Variants in PRKAR1B observed in about 807,000 individuals in gnomAD.
The protein encoded by PRKAR1B is cAMP-dependent protein kinase type I-beta regulatory subunit.
In PRKAR1B, 22 loss-of-function variants were observed where a neutral mutation model predicts 46.5. That is an observed-to-expected ratio of 0.47 (90% CI 0.34 to 0.68). The LOEUF is 0.68. Among genes scored for constraint, PRKAR1B ranks in the 30% least tolerant of loss-of-function variants. The pLI, the probability that PRKAR1B is intolerant of heterozygous loss-of-function variation, is 0.01. For synonymous variants in PRKAR1B, 259 were observed against 217.7 expected, an observed-to-expected ratio of 1.19 and a Z score of -1.67; for missense variants, 445 against 535.6, an observed-to-expected ratio of 0.83 and a Z score of 1.67.
At chr7:672,481 A>G (rs1786314847) in intron 4 of PRKAR1B, among the ~76,000 whole-genome samples, 1 of 152,102 alleles carries the variant, frequency 6.6e-6, no homozygotes, top group Non-Finnish European at 1.5e-5. Flanking sequence ...TTCAGGTGCA[A>G]AGCTGTGCTC....
chr7:677,895 C>A (rs142807263), intron 3 of PRKAR1B, among the ~76,000 whole-genome samples: 3 of 152,204 alleles, frequency 2.0e-5, no homozygotes, highest in African/African-American at 7.2e-5. Flanking sequence ...TAGAGCCTAT[C>A]GCTCTAGGCT....
rs561128224 is a variant in PRKAR1B, at chr7:658,589, C to T, written c.440+18640G>A. Among the ~76,000 whole-genome samples, 17 of 152,226 alleles carry T rather than the reference C, an allele frequency of 1.1e-4. No homozygotes were observed. The South Asian group carries it at 1.2e-3, about 11-fold the overall frequency. On this transcript the variant is annotated intron_variant, in intron 4 of 10. Transcript: ENST00000537384. Reference sequence around the variant, plus strand: ...CATGACCTTGTGCTATGGAAGCCGGCGGCTCACGAAAGCCACTCTTCTTTC... The same window carrying T: ...CATGACCTTGTGCTATGGAAGCCGGTGGCTCACGAAAGCCACTCTTCTTTC...
At position 725,078 on chromosome 7, in the gene PRKAR1B, G is replaced by T. The variant is rs74463966; in HGVS notation, c.-23+2132C>A. Among the ~76,000 whole-genome samples the T allele has an allele frequency of 1.3e-3, 194 of 152,232 alleles. 3 individuals carry two copies. In the East Asian group the frequency reaches 0.032, roughly 25 times the overall value. On this transcript the variant is annotated intron_variant, in intron 1 of 10. Transcript: ENST00000537384. ...AAATACAAAAAATTAGCTGGGCGTG[G>T]TCGTGGGCACCTGCAGTCCCAGCTA...
At chr7:726,757 C>T (rs1341976881) in intron 1 of PRKAR1B, 2 of 1,255,476 alleles carry the variant, frequency 1.6e-6, no homozygotes, top group African/African-American at 3.1e-5. Flanking sequence ...CGTGGCGGCC[C>T]CACACCCGGC....
At chr7:635,623 C>T (rs867590498) in intron 4 of PRKAR1B, among the ~76,000 whole-genome samples, 5 of 152,266 alleles carry the variant, frequency 3.3e-5, no homozygotes, top group Middle Eastern at 3.4e-3. Context: ...GCCTCCCAGG[C>T]CCTCCCAGAC....
At chr7:571,261 C>G (rs2128436272) in intron 9 of PRKAR1B, among the ~76,000 whole-genome samples, 1 of 152,340 alleles carries the variant, frequency 6.6e-6, no homozygotes, top group African/African-American at 2.4e-5. Flanking sequence ...GAGACCCCAG[C>G]CAGGAGCCTC....
At chr7:575,134 C>A (rs547837618) in intron 9 of PRKAR1B, among the ~76,000 whole-genome samples, 1 of 152,208 alleles carries the variant, frequency 6.6e-6, no homozygotes, top group African/African-American at 2.4e-5. Flanking sequence ...CTCAGCCGGG[C>A]GGTTCTCACT....
chr7:574,111 A>G (rs1779690281), intron 9 of PRKAR1B, among the ~76,000 whole-genome samples: 1 of 152,190 alleles, frequency 6.6e-6, no homozygotes, highest in Non-Finnish European at 1.5e-5. Context: ...CGCCCCCCAC[A>G]CACATTTTCA....
chr7:558,603 A>G (rs979136097), intron 9 of PRKAR1B, among the ~76,000 whole-genome samples: 1 of 151,916 alleles, frequency 6.6e-6, no homozygotes. Context: ...TAAAAATACA[A>G]AAATTAGCCA....
chr7:624,799 G>A (rs1163050214), intron 4 of PRKAR1B, among the ~76,000 whole-genome samples: 1 of 152,174 alleles, frequency 6.6e-6, no homozygotes, highest in Admixed American at 6.5e-5. Flanking sequence ...GCTAGTTATT[G>A]ACAGATCCAG....
At chr7:648,003 G>A (rs930686040) in intron 4 of PRKAR1B, among the ~76,000 whole-genome samples, 10 of 151,530 alleles carry the variant, frequency 6.6e-5, no homozygotes, top group South Asian at 2.1e-4. Context: ...AAAATTAGCC[G>A]GGTGTGGTGG....
intron 4 of PRKAR1B, among the ~76,000 whole-genome samples, chr7:672,021 T>C (rs943758960): frequency 2.0e-5 from 3 of 152,008 alleles, no homozygotes; most frequent in Admixed American, 6.6e-5. Context: ...TGCTGCCTGC[T>C]CCCCGGAAGA....
intron 2 of PRKAR1B, among the ~76,000 whole-genome samples, chr7:684,671 G>C (rs1025934467): frequency 5.3e-5 from 8 of 152,190 alleles, no homozygotes; most frequent in Non-Finnish European, 1.0e-4. Flanking sequence ...GAGCTCGGAA[G>C]CCTGGGAGCC....
intron 1 of PRKAR1B, among the ~76,000 whole-genome samples, chr7:722,179 C>T (rs370874962): frequency 7.2e-6 from 1 of 139,428 alleles, no homozygotes; most frequent in South Asian, 2.5e-4. Flanking sequence ...TGGCTCACTA[C>T]AACCTCCACC....
Position 706,487 on chromosome 7 carries a change from G to A in PRKAR1B, c.177+4842C>T, listed in dbSNP as rs866458172. On this transcript the variant is annotated intron_variant, in intron 2 of 10. Coordinates refer to ENST00000537384, the MANE Select transcript of PRKAR1B (RefSeq NM_001164760.2). ...CACCCAGGCTAGAGTGCAGTGGCGC[G>A]ATCTGGGCTCACTGCAACCTCTACC... Among the ~76,000 whole-genome samples the A allele has an allele frequency of 6.8e-4, 94 of 137,778 alleles. 1 individual carries two copies. In the Middle Eastern group the frequency reaches 0.012, roughly 18 times the overall value. 90.4% of individuals were successfully genotyped at this position (137,778 alleles called of 152,430 possible).
At chr7:690,167 G>A (rs1030313909) in intron 2 of PRKAR1B, among the ~76,000 whole-genome samples, 12 of 151,958 alleles carry the variant, frequency 7.9e-5, no homozygotes, top group African/African-American at 2.4e-4. Flanking sequence ...GTGGTGGTGT[G>A]CTCCTGTAAT....
At chr7:723,322 A>G (rs1562366497) in intron 1 of PRKAR1B, among the ~76,000 whole-genome samples, 1 of 152,096 alleles carries the variant, frequency 6.6e-6, no homozygotes, top group Non-Finnish European at 1.5e-5. Flanking sequence ...GGCTTTGGCC[A>G]GAGAGAGGAG....
intron 2 of PRKAR1B, among the ~76,000 whole-genome samples, chr7:685,566 A>G (rs996370348): frequency 6.6e-6 from 1 of 151,494 alleles, no homozygotes; most frequent in Non-Finnish European, 1.5e-5. Context: ...CAGTCCTAGT[A>G]AAAGGATCTC....
chr7:565,923 G>T (rs146325244), intron 9 of PRKAR1B, among the ~76,000 whole-genome samples: 1 of 152,148 alleles, frequency 6.6e-6, no homozygotes, highest in Non-Finnish European at 1.5e-5. Context: ...GGGTACCCCC[G>T]GAACACTGCC....
Sources: allele counts gnomAD v4.1 joint callset (sites outside exome capture counted in the v4.1 genomes callset), GRCh38; gene constraint gnomAD v4.1.1; transcripts MANE v1.5; gene names NCBI Gene and HGNC (gene_info 2026-07-23, HGNC 2026-07-21).